ACER2: variants seen among roughly 807,000 people sequenced by gnomAD.
The protein encoded by ACER2 is alkCDase 2.
A neutral mutation model predicts 34.7 loss-of-function variants in ACER2; 26 were observed. The ratio of observed to expected loss-of-function variants is 0.75; its 90% CI spans 0.55 to 1.04. The LOEUF is 1.04. Among genes scored for constraint, ACER2 ranks in the 50% least tolerant of loss-of-function variants. ACER2 has a pLI of 0.00. For missense variants in ACER2, 352 were observed against 340.8 expected, an observed-to-expected ratio of 1.03 and a Z score of -0.26; for synonymous variants, 138 against 132.1, an observed-to-expected ratio of 1.04 and a Z score of -0.31.
intron 1 of ACER2, among the ~76,000 whole-genome samples, chr9:19,414,777 C>T (rs185707889): frequency 1.3e-4 from 20 of 150,702 alleles, no homozygotes; most frequent in South Asian, 4.2e-4. Context: ...CCTTGAGAGG[C>T]GGAGCATGCA....
At chr9:19,431,000 A>G (rs1830738121) in intron 3 of ACER2, among the ~76,000 whole-genome samples, 1 of 143,772 alleles carries the variant, frequency 7.0e-6, no homozygotes, top group Non-Finnish European at 1.5e-5. Context: ...ACCAAACAAC[A>G]ACAACAACAA....
intron 3 of ACER2, among the ~76,000 whole-genome samples, chr9:19,432,137 G>A (rs190295480): frequency 3.3e-5 from 5 of 152,288 alleles, no homozygotes; most frequent in Admixed American, 1.3e-4. Flanking sequence ...CCTCCACTGA[G>A]GGGTGTGAAG....
At chr9:19,441,037 TTTTTCTTTTTC>T (rs1018376046) in intron 4 of ACER2, among the ~76,000 whole-genome samples, 5 of 151,566 alleles carry the variant, frequency 3.3e-5, no homozygotes, top group African/African-American at 1.2e-4. Context: ...CACATTTTTC[TTTTTCTTTTTC>T]TTTTTTTTTT....
chr9:19,434,945 A>G lies in ACER2; in HGVS notation c.366-2A>G. 1 of 1,613,254 alleles carries G rather than the reference A, an allele frequency of 6.2e-7. No homozygotes were observed. Among genetic ancestry groups the G allele is most frequent in the South Asian group, 1.1e-5 (1 of 90,978 alleles). On this transcript the variant is annotated splice_acceptor_variant, in intron 3 of 5. Coordinates refer to ENST00000340967, the MANE Select transcript of ACER2 (RefSeq NM_001010887.3). LOFTEE classifies it high-confidence loss of function. The stretch of plus-strand genomic sequence containing the variant: ...GATTTGGTTTTGCTTTCATGGATTC[A>G]GGGGTAGGTTCAAGGTGGTGGTCAG...
intron 4 of ACER2, among the ~76,000 whole-genome samples, chr9:19,436,591 C>T (rs773784820): frequency 7.9e-5 from 12 of 151,914 alleles, no homozygotes; most frequent in African/African-American, 2.4e-4. Context: ...AGCTCATTCT[C>T]GTATGAGTTA....
intron 1 of ACER2, among the ~76,000 whole-genome samples, chr9:19,420,465 C>T (rs2132469595): frequency 6.6e-6 from 1 of 152,254 alleles, no homozygotes; most frequent in Admixed American, 6.5e-5. Flanking sequence ...GACTTAAAAG[C>T]TGAATGTTCC....
chr9:19,430,090 C>G (rs1181220940), intron 3 of ACER2, among the ~76,000 whole-genome samples: 3 of 151,754 alleles, frequency 2.0e-5, no homozygotes, highest in Non-Finnish European at 4.4e-5. Flanking sequence ...TAAAGAGTAG[C>G]CAATGATAGT....
rs375342683 is a variant in ACER2, at chr9:19,424,580, CAG to C, written c.224-111_224-110del. The C allele has an allele frequency of 6.7e-5, 100 of 1,495,280 alleles. No individual in the cohort carries two copies. The African/African-American group carries it at 1.2e-3, about 18-fold the overall frequency. The allele number at this position is 1,495,280 out of a possible 1,614,324, so 92.6% of individuals were successfully genotyped here. ...AGTTTCTTTCTTCAGTTTCTTTTTTCAGAGAGAGAGTGATCTGGTGACTGTGT... is the reference window on the plus strand; with the variant it reads ...AGTTTCTTTCTTCAGTTTCTTTTTTCAGAGAGAGTGATCTGGTGACTGTGT... On this transcript the variant is annotated intron_variant, in intron 2 of 5. Coordinates refer to ENST00000340967, the MANE Select transcript of ACER2 (RefSeq NM_001010887.3).
At chr9:19,448,004 C>T (rs1458927659) in intron 5 of ACER2, among the ~76,000 whole-genome samples, 12 of 109,910 alleles carry the variant, frequency 1.1e-4, no homozygotes, top group South Asian at 2.8e-4. Flanking sequence ...ACGATGCAAA[C>T]TTTTTTTTTT....
intron 3 of ACER2, among the ~76,000 whole-genome samples, chr9:19,427,048 T>C (rs562502405): frequency 5.9e-5 from 9 of 152,254 alleles, no homozygotes; most frequent in Non-Finnish European, 1.3e-4. Flanking sequence ...TATATATCCC[T>C]GGCTTTGGAA....
rs189888862 is a variant in ACER2, at chr9:19,441,274, C to T, written c.504-5007C>T. ...CCATGTTAGCCAGGATGGTCTCAAT[C>T]TGCTGACCTCATGATCTGCCCTCCT... On this transcript the variant is annotated intron_variant, in intron 4 of 5. Transcript: ENST00000340967. 1.8e-4 allele frequency among the ~76,000 whole-genome samples: 27 copies of T among 152,278 alleles called. No individual in the cohort carries two copies. The East Asian group carries it at 5.0e-3, about 28-fold the overall frequency.
chr9:19,424,092 T>C lies in ACER2; in HGVS notation c.223+116T>C, dbSNP rs149643255. 102 of 1,017,756 alleles carry C rather than the reference T, an allele frequency of 1.0e-4. 1 individual carries two copies. The East Asian group carries it at 2.4e-3, about 24-fold the overall frequency. The allele number at this position is 1,017,756 out of a possible 1,614,324, so 63.0% of individuals were successfully genotyped here. On this transcript the variant is annotated intron_variant, in intron 2 of 5. Transcript: ENST00000340967. ...AATGTTTTGTAAACTGAAGTCACTC[T>C]GAGGTCTTAGCAAACTTTTTTTTCC...
At chr9:19,447,876 A>G (rs561817113) in intron 5 of ACER2, among the ~76,000 whole-genome samples, 172 of 152,092 alleles carry the variant, frequency 1.1e-3, no homozygotes, top group Non-Finnish European at 2.3e-3. Flanking sequence ...TCATAATTCT[A>G]TCCCCCAAAG....
chr9:19,423,937 A>G lies in ACER2; in HGVS notation c.184A>G (p.Ser62Gly). Residue 62 changes from serine to glycine, a missense_variant, in exon 2 of 6, where the codon AGT becomes GGT. Transcript: ENST00000340967. Reference sequence around the variant, plus strand: ...TCGTCAGTATGCAACATGCTTCAACAGTGGCATCTACTTAATCTGGACTCT... The same window carrying G: ...TCGTCAGTATGCAACATGCTTCAACGGTGGCATCTACTTAATCTGGACTCT... ...LFRQYATCFN[S>G]GIYLIWTLLV... 9 of 1,614,096 alleles carry G rather than the reference A, an allele frequency of 5.6e-6. No homozygotes were observed. The highest frequency in any genetic ancestry group is 7.6e-6 in the Non-Finnish European group (9 of 1,179,962).
At chr9:19,444,234 C>T (rs182886540) in intron 4 of ACER2, among the ~76,000 whole-genome samples, 45 of 140,710 alleles carry the variant, frequency 3.2e-4, no homozygotes, top group East Asian at 2.3e-3. Flanking sequence ...TTTTTTGAGA[C>T]GGAGTCTTGC....
chr9:19,449,578 A>C (rs1831489180), intron 5 of ACER2, among the ~76,000 whole-genome samples: 1 of 152,074 alleles, frequency 6.6e-6, no homozygotes, highest in African/African-American at 2.4e-5. Context: ...CCCAACATCA[A>C]AGTTTATAAA....
At chr9:19,429,534 G>T (rs1830685774) in intron 3 of ACER2, among the ~76,000 whole-genome samples, 1 of 152,050 alleles carries the variant, frequency 6.6e-6, no homozygotes, top group Non-Finnish European at 1.5e-5. Context: ...GTTTTACCAT[G>T]TTGCCCAGGC....
At chr9:19,419,666 G>A (rs930829178) in intron 1 of ACER2, among the ~76,000 whole-genome samples, 1 of 152,186 alleles carries the variant, frequency 6.6e-6, no homozygotes, top group Non-Finnish European at 1.5e-5. Flanking sequence ...TGGAGGCTGA[G>A]GCAGGAGAAT....
chr9:19,444,187 A>T (rs1235250671), intron 4 of ACER2, among the ~76,000 whole-genome samples: 86 of 148,240 alleles, frequency 5.8e-4, no homozygotes, highest in African/African-American at 2.1e-3. Context: ...AAAAAAAAAG[A>T]AAGTCGCAAA....
Sources: gnomAD v4.1 joint callset for allele counts (sites outside exome capture counted in the v4.1 genomes callset) on GRCh38, gnomAD v4.1.1 for gene constraint, MANE v1.5 for transcripts, NCBI Gene and HGNC (gene_info 2026-07-23, HGNC 2026-07-21) for gene names.